The following PCCA variants were observed in gnomAD, a reference collection of about 807,000 sequenced individuals.
PCCA encodes the protein propionyl-CoA carboxylase subunit alpha.
A neutral mutation model predicts 101.3 loss-of-function variants in PCCA; 74 were observed. The ratio of observed to expected loss-of-function variants is 0.73; its 90% CI spans 0.61 to 0.89. The LOEUF (loss-of-function observed/expected upper bound fraction) is 0.89, where lower values mean the gene tolerates loss of function less well. PCCA is among the 40% of genes least tolerant of loss of function. The pLI is 0.00. For synonymous variants in PCCA, 294 were observed against 313.6 expected (o/e 0.94, Z 0.66); for missense variants, 891 against 907.0 (o/e 0.98, Z 0.23).
intron 21 of PCCA, among the ~76,000 whole-genome samples, chr13:100,505,295 T>C (rs756794445): frequency 1.3e-5 from 2 of 152,350 alleles, no homozygotes; most frequent in South Asian, 4.1e-4. Context: ...TGCCCAGATA[T>C]GCTCGATAAA....
chr13:100,318,432 T>C (rs1032061330), intron 16 of PCCA, among the ~76,000 whole-genome samples: 1 of 151,904 alleles, frequency 6.6e-6, no homozygotes, highest in Non-Finnish European at 1.5e-5. Context: ...GCTGCACCCA[T>C]TAACTCGTCA....
intron 21 of PCCA, among the ~76,000 whole-genome samples, chr13:100,452,387 G>A (rs1417262038): frequency 2.6e-5 from 4 of 152,060 alleles, no homozygotes; most frequent in East Asian, 3.9e-4. Context: ...CACTAATAGA[G>A]CAGGAAAAGG....
At chr13:100,089,908 A>G (rs1476788668) in intron 1 of PCCA, among the ~76,000 whole-genome samples, 3 of 152,156 alleles carry the variant, frequency 2.0e-5, no homozygotes, top group Admixed American at 2.0e-4. Context: ...TGGCAGATTG[A>G]CAAACAGGTT....
At chr13:100,384,272 C>T (rs2076385183) in intron 19 of PCCA, among the ~76,000 whole-genome samples, 1 of 152,182 alleles carries the variant, frequency 6.6e-6, no homozygotes, top group South Asian at 2.1e-4. Flanking sequence ...GTGATCTGCC[C>T]GCTTCAGCCT....
At chr13:100,425,812 C>G (rs1216958738) in intron 20 of PCCA, 81 bp downstream of exon 20, 3 of 881,696 alleles carry the variant, frequency 3.4e-6, no homozygotes, top group African/African-American at 1.6e-5. Flanking sequence ...ATACTTAGAG[C>G]TATAGGAGGG....
intron 12 of PCCA, among the ~76,000 whole-genome samples, chr13:100,283,457 G>T (rs899006220): frequency 3.3e-5 from 5 of 152,166 alleles, no homozygotes; most frequent in Non-Finnish European, 5.9e-5. Context: ...GGGAAAGGAA[G>T]AAAATCCTTC....
At chr13:100,135,741 C>T (rs9557390) in intron 4 of PCCA, among the ~76,000 whole-genome samples, 2 of 152,056 alleles carry the variant, frequency 1.3e-5, no homozygotes, top group Admixed American at 6.6e-5. Flanking sequence ...TATTCCCAAT[C>T]TTAGTGGAAA....
chr13:100,400,271 C>T (rs913717862), intron 19 of PCCA, among the ~76,000 whole-genome samples: 2 of 152,180 alleles, frequency 1.3e-5, no homozygotes, highest in Non-Finnish European at 2.9e-5. Flanking sequence ...GGGGTGACTT[C>T]ACCCTCTGCT....
At chr13:100,276,262 G>C (rs1299880289) in intron 12 of PCCA, among the ~76,000 whole-genome samples, 1 of 145,752 alleles carries the variant, frequency 6.9e-6, no homozygotes, top group Non-Finnish European at 1.5e-5. Flanking sequence ...TCTTAGTTTG[G>C]CCAGTATTTT....
chr13:100,352,569 T>A (rs2073406693), intron 18 of PCCA, among the ~76,000 whole-genome samples: 1 of 151,930 alleles, frequency 6.6e-6, no homozygotes, highest in Admixed American at 6.6e-5. Context: ...ATATATATAT[T>A]TTTAAATAGA....
At chr13:100,092,601 C>T (rs2046383995) in intron 1 of PCCA, among the ~76,000 whole-genome samples, 3 of 151,938 alleles carry the variant, frequency 2.0e-5, no homozygotes, top group Non-Finnish European at 2.9e-5. Context: ...GCTATGTTGC[C>T]CAGGCTGGTC....
intron 22 of PCCA, among the ~76,000 whole-genome samples, chr13:100,524,741 G>A (rs1022351201): frequency 4.6e-5 from 7 of 152,036 alleles, no homozygotes; most frequent in Non-Finnish European, 1.5e-5. Flanking sequence ...GCGTGGTGGT[G>A]CACACCTGTA....
At position 100,474,440 on chromosome 13, in the gene PCCA, T is replaced by TTCTCTCTCTCTCTCTCTCTCTC. The variant is rs58811683; in HGVS notation, c.1899+25143_1899+25164dup. On this transcript the variant is annotated intron_variant, in intron 21 of 23. Transcript: ENST00000376285. The stretch of plus-strand genomic sequence containing the variant: ...TCTTATAATTTTATGTATTTACTGT[T>TTCTCTCTCTCTCTCTCTCTCTC]TCTCTCTCTCTCTCTCTCTCTCTCT... 4.9e-4 allele frequency among the ~76,000 whole-genome samples: 71 copies of TTCTCTCTCTCTCTCTCTCTCTC among 144,390 alleles called. 1 individual carries two copies. The highest frequency in any genetic ancestry group is 1.7e-3 in the African/African-American group (66 of 38,186). 94.7% of individuals were successfully genotyped at this position (144,390 alleles called of 152,430 possible).
chr13:100,393,630 G>A (rs993698547), intron 19 of PCCA, among the ~76,000 whole-genome samples: 10 of 152,010 alleles, frequency 6.6e-5, no homozygotes, highest in African/African-American at 2.4e-4. Context: ...TGTTGGTCAG[G>A]CTGGTCTTGA....
chr13:100,127,942 A>G (rs7990105), intron 4 of PCCA, among the ~76,000 whole-genome samples: 43,155 of 152,072 alleles, frequency 0.28, 7,093 homozygotes, highest in East Asian at 0.69. Context: ...ACCTTATTCT[A>G]TGTTCCAGTG....
At chr13:100,295,800 T>C (rs1323129204) in intron 12 of PCCA, among the ~76,000 whole-genome samples, 1 of 152,208 alleles carries the variant, frequency 6.6e-6, no homozygotes, top group Non-Finnish European at 1.5e-5. Flanking sequence ...TTTTAATACT[T>C]CTCATCAGCC....
At chr13:100,122,989 A>G (rs1469358401) in intron 4 of PCCA, among the ~76,000 whole-genome samples, 1 of 152,210 alleles carries the variant, frequency 6.6e-6, no homozygotes, top group Admixed American at 6.5e-5. Flanking sequence ...GTCAAGAGCT[A>G]TAAATTGGTG....
At chr13:100,278,539 T>A (rs151107370) in intron 12 of PCCA, among the ~76,000 whole-genome samples, 2,556 of 151,926 alleles carry the variant, frequency 0.017, 88 homozygotes, top group African/African-American at 0.058. Context: ...TGGGGTGCAG[T>A]GGCGTGATCT....
intron 22 of PCCA, among the ~76,000 whole-genome samples, chr13:100,516,965 T>G (rs1415773591): frequency 6.6e-6 from 1 of 151,962 alleles, no homozygotes; most frequent in African/African-American, 2.4e-5. Context: ...CTTAAGTTTT[T>G]TTTCTGGAAG....
Sources: gnomAD v4.1 joint callset for allele counts (sites outside exome capture counted in the v4.1 genomes callset) on GRCh38, gnomAD v4.1.1 for gene constraint, MANE v1.5 for transcripts, NCBI Gene and HGNC (gene_info 2026-07-23, HGNC 2026-07-21) for gene names.